CELSR1: variants seen among roughly 807,000 people sequenced by gnomAD.
CELSR1 encodes the protein cadherin EGF LAG seven-pass G-type receptor 1.
In CELSR1, 110 loss-of-function variants were observed where a neutral mutation model predicts 249.1. That is an observed-to-expected ratio of 0.44 (90% CI 0.38 to 0.52). CELSR1 has a LOEUF of 0.52. Ranked by LOEUF, CELSR1 falls within the 20% of genes least tolerant of loss-of-function variation. The probability of loss-of-function intolerance (pLI) is 0.00; values close to 1 mark genes in which losing one functional copy is unlikely to be tolerated. For missense variants in CELSR1, 4,109 were observed against 4,296.4 expected (o/e 0.96, Z 1.22); for synonymous variants, 2,113 against 1,900.0 (o/e 1.11, Z -2.92).
chr22:46,507,382 C>T (rs1351317402), intron 1 of CELSR1, among the ~76,000 whole-genome samples: 5 of 152,074 alleles, frequency 3.3e-5, no homozygotes, highest in Non-Finnish European at 7.4e-5. Flanking sequence ...ACCATCACTG[C>T]CTCCCCTTCA....
rs28649014 is a variant in CELSR1, at chr22:46,391,856, C to A, written c.5965-40G>T. The A allele has an allele frequency of 3.2e-6, 5 of 1,580,766 alleles. No homozygotes were observed. Among genetic ancestry groups the A allele is most frequent in the South Asian group, 1.2e-5 (1 of 86,938 alleles). On this transcript the variant is annotated intron_variant, in intron 14 of 34. Coordinates refer to ENST00000674500, the MANE Select transcript of CELSR1 (RefSeq NM_001378328.1). The surrounding 1 kb of genome is among the most constrained non-coding windows in gnomAD (Gnocchi z 4.3). ...GGCAGGGCCTGTGACTTCAGATGCC[C>A]GGGAGAGGCCCTACCTTGCAGCGTG...
At chr22:46,460,403 C>T (rs551177180) in intron 2 of CELSR1, among the ~76,000 whole-genome samples, 3 of 152,224 alleles carry the variant, frequency 2.0e-5, no homozygotes, top group African/African-American at 4.8e-5. Flanking sequence ...TGTACAGCTG[C>T]GGAAGCAGAT....
Position 46,500,514 on chromosome 22 carries a change from G to A in CELSR1, c.3544+33113C>T, listed in dbSNP as rs902735461. On this transcript the variant is annotated intron_variant, in intron 1 of 34. Transcript: ENST00000674500. The surrounding 1 kb of genome is among the most constrained non-coding windows in gnomAD (Gnocchi z 4.9). ...GACTGGGGTGTGCTGAATGGGCTCTGAGCACAAAGGCCACTGGGAGCTCTG... is the reference window on the plus strand; with the variant it reads ...GACTGGGGTGTGCTGAATGGGCTCTAAGCACAAAGGCCACTGGGAGCTCTG... 1.3e-5 allele frequency among the ~76,000 whole-genome samples: 2 copies of A among 152,142 alleles called. No individual in the cohort carries two copies. Among genetic ancestry groups the A allele is most frequent in the African/African-American group, 4.8e-5 (2 of 41,406 alleles).
intron 2 of CELSR1, among the ~76,000 whole-genome samples, chr22:46,456,876 T>G (rs1602162222): frequency 8.1e-6 from 1 of 124,194 alleles, no homozygotes; most frequent in African/African-American, 3.1e-5. Context: ...GCAGGGACAG[T>G]TGGGGACCAT....
chr22:46,450,167 A>G (rs2079867278), intron 2 of CELSR1, among the ~76,000 whole-genome samples: 1 of 152,222 alleles, frequency 6.6e-6, no homozygotes, highest in Non-Finnish European at 1.5e-5. Flanking sequence ...ACTGCCAGTC[A>G]GGACCCTGCC....
intron 1 of CELSR1, among the ~76,000 whole-genome samples, chr22:46,474,785 C>CTGCTTT (rs1555925990): frequency 1.1e-4 from 5 of 45,196 alleles, no homozygotes; most frequent in African/African-American, 2.9e-4. Flanking sequence ...CTACTCTCTA[C>CTGCTTT]TTCTTTTTTT....
At chr22:46,497,221 C>G (rs941208888) in intron 1 of CELSR1, among the ~76,000 whole-genome samples, 4 of 152,356 alleles carry the variant, frequency 2.6e-5, no homozygotes, top group African/African-American at 9.6e-5. Flanking sequence ...TCCAGCAATC[C>G]TGCTGAAAGC....
rs2878860 is a variant in CELSR1, at chr22:46,446,821, C to T, written c.4184-7410G>A. On this transcript the variant is annotated intron_variant, in intron 2 of 34. Coordinates refer to ENST00000674500, the MANE Select transcript of CELSR1 (RefSeq NM_001378328.1). The surrounding 1 kb of genome is among the most constrained non-coding windows in gnomAD (Gnocchi z 5.5). ...TAATTTTATAGTTAAAACATCTTTT[C>T]TTTTTTTTAATAAAGGACCATGAGA... Among the ~76,000 whole-genome samples, 1 of 151,888 alleles carries T rather than the reference C, an allele frequency of 6.6e-6. No individual in the cohort carries two copies. Among genetic ancestry groups the T allele is most frequent in the Non-Finnish European group, 1.5e-5 (1 of 67,978 alleles).
Position 46,364,137 on chromosome 22 carries a change from C to T in CELSR1, c.8894G>A (p.Arg2965His), listed in dbSNP as rs751371309. ...ADCEQSPTSS[R>H]TSSLGSGGPD... is the part of the protein sequence containing the mutation. ...GCCGCCAGAGCCCAGGGAAGACGTG[C>T]GCGAGGATGTGGGGCTCTGCTCACA... The change falls in exon 34 of 35, where the codon CGC (arginine) becomes CAC (histidine). Residue 2965 changes from arginine (R) to histidine (H), a missense_variant. This residue lies in a region of CELSR1 where 1,805 missense variants were observed against 1,831.6 expected (regional missense o/e 0.99). Coordinates refer to ENST00000674500, the MANE Select transcript of CELSR1 (RefSeq NM_001378328.1). The T allele has an allele frequency of 1.7e-5, 27 of 1,607,472 alleles. No homozygotes were observed. Among genetic ancestry groups the T allele is most frequent in the East Asian group, 6.7e-5 (3 of 44,882 alleles).
intron 5 of CELSR1, among the ~76,000 whole-genome samples, chr22:46,420,827 C>A (rs1183477211): frequency 6.6e-6 from 1 of 152,112 alleles, no homozygotes; most frequent in Non-Finnish European, 1.5e-5. Context: ...TAAGGGGTGA[C>A]ATGCTCAGTA....
intron 1 of CELSR1, among the ~76,000 whole-genome samples, chr22:46,503,337 G>T (rs1342269912): frequency 1.3e-5 from 2 of 152,210 alleles, no homozygotes; most frequent in African/African-American, 2.4e-5. Context: ...AGCTGAGAGG[G>T]TGCTGAGCAC....
chr22:46,374,922 G>A lies in CELSR1; in HGVS notation c.7585-1865C>T, dbSNP rs114962909. Among the ~76,000 whole-genome samples the A allele has an allele frequency of 0.024, 3,642 of 152,212 alleles. 109 individuals are homozygous for A. Among genetic ancestry groups the A allele is most frequent in the African/African-American group, 0.081 (3,370 of 41,558 alleles). On this transcript the variant is annotated intron_variant, in intron 24 of 34. Coordinates refer to ENST00000674500, the MANE Select transcript of CELSR1 (RefSeq NM_001378328.1). The surrounding 1 kb of genome is among the most constrained non-coding windows in gnomAD (Gnocchi z 4.3). ...GGCCTCGGCCTCGGGAAGCACCTGG[G>A]AGGCGGCGGGGAAGGTTGGCCCTGG...
chr22:46,532,985 G>A (rs912770974), intron 1 of CELSR1, among the ~76,000 whole-genome samples: 10 of 152,314 alleles, frequency 6.6e-5, no homozygotes, highest in African/African-American at 2.4e-4. Flanking sequence ...TAACTGGGCA[G>A]GCCTCTTCAA....
At position 46,537,491 on chromosome 22, in the gene CELSR1, G is replaced by A. The variant is rs1818362700; in HGVS notation, c.-321C>T. On this transcript the variant is annotated 5_prime_UTR_variant, in exon 1 of 35. Coordinates refer to ENST00000674500, the MANE Select transcript of CELSR1 (RefSeq NM_001378328.1). The surrounding 1 kb of genome is among the most constrained non-coding windows in gnomAD (Gnocchi z 5.8). ...AGGCGGCTCCAGGTGGCTCCGGCGC[G>A]GGCTCGGCCGGACGGGCGTGGGAAG... Among the ~76,000 whole-genome samples, 2 of 149,208 alleles carry A rather than the reference G, an allele frequency of 1.3e-5. No individual in the cohort carries two copies. The highest frequency in any genetic ancestry group is 4.9e-5 in the African/African-American group (2 of 41,102).
Position 46,464,269 on chromosome 22 carries a change from G to A in CELSR1, c.3621C>T (p.Ile1207=). Residue 1207 remains isoleucine (I), a synonymous_variant, in exon 2 of 35, where the codon ATC becomes ATT. Transcript: ENST00000674500. The surrounding 1 kb of genome is among the most constrained non-coding windows in gnomAD (Gnocchi z 8.5). ...IITDDMLTNS[I]TVRLENMSQE... is the part of the protein sequence containing the mutation. Reference sequence around the variant, plus strand: ...GGGACATGTTCTCCAGGCGGACAGTGATGCTGTTGGTCAGCATGTCGTCCG... The same window carrying A: ...GGGACATGTTCTCCAGGCGGACAGTAATGCTGTTGGTCAGCATGTCGTCCG... 1 of 1,613,718 alleles carries A rather than the reference G, an allele frequency of 6.2e-7. No individual in the cohort carries two copies. The highest frequency in any genetic ancestry group is 8.5e-7 in the Non-Finnish European group (1 of 1,180,046).
At position 46,365,363 on chromosome 22, in the gene CELSR1, C is replaced by T; in HGVS notation, c.8422G>A (p.Asp2808Asn). 1.2e-6 allele frequency: 2 copies of T among 1,612,906 alleles called. No homozygotes were observed. Among genetic ancestry groups the T allele is most frequent in the Non-Finnish European group, 8.5e-7 (1 of 1,179,946 alleles). ...KDPPGHDSDSDSELSLDEQSS... is the reference protein window; with the variant it reads ...KDPPGHDSDSNSELSLDEQSS... ...TGCTCATCCAGGGACAGCTCGCTATCTGAGTCGGAATCGTGGCCTGTGGAT... is the reference window on the plus strand; with the variant it reads ...TGCTCATCCAGGGACAGCTCGCTATTTGAGTCGGAATCGTGGCCTGTGGAT... The change falls in exon 32 of 35, where the codon GAT becomes AAT. Residue 2808 changes from aspartate (D) to asparagine (N), a missense_variant. Asp to Asn is a conservative substitution (Grantham distance 23). This residue lies in a region of CELSR1 where 1,805 missense variants were observed against 1,831.6 expected (regional missense o/e 0.99). Transcript: ENST00000674500.
chr22:46,368,285 G>A (rs1212379599), intron 27 of CELSR1, among the ~76,000 whole-genome samples: 3 of 152,110 alleles, frequency 2.0e-5, no homozygotes, highest in Non-Finnish European at 4.4e-5. Flanking sequence ...ACAAGGGGAA[G>A]ACAAAGGCGC....
At chr22:46,365,209 C>CCAAT (rs781500064) in intron 32 of CELSR1, 22 bp downstream of exon 32, 47 of 1,607,076 alleles carry the variant, frequency 2.9e-5, no homozygotes, top group Non-Finnish European at 4.0e-5. Flanking sequence ...CCAGCCTGGC[C>CCAAT]CAATGTGCCC....
chr22:46,416,238 A>G lies in CELSR1; in HGVS notation c.4612-4479T>C, dbSNP rs189382830. ...GAAGGGGGCCACAGGGTTGTGTCTGAGTTTTTTCTCAATTCTTGTGTTGGA... is the reference window on the plus strand; with the variant it reads ...GAAGGGGGCCACAGGGTTGTGTCTGGGTTTTTTCTCAATTCTTGTGTTGGA... On this transcript the variant is annotated intron_variant, in intron 5 of 34. Coordinates refer to ENST00000674500, the MANE Select transcript of CELSR1 (RefSeq NM_001378328.1). Among the ~76,000 whole-genome samples, 1,144 of 152,302 alleles carry G rather than the reference A, an allele frequency of 7.5e-3. 12 individuals carry two copies. Among genetic ancestry groups the G allele is most frequent in the African/African-American group, 0.026 (1,075 of 41,562 alleles).
Sources: allele counts gnomAD v4.1 joint callset (sites outside exome capture counted in the v4.1 genomes callset), GRCh38; gene constraint gnomAD v4.1.1; regional missense constraint gnomAD v4.1.1; non-coding constraint Gnocchi (gnomAD v3.1); transcripts MANE v1.5; gene names NCBI Gene and HGNC (gene_info 2026-07-23, HGNC 2026-07-21).